The following FAM184A variants were observed in gnomAD, a reference collection of about 807,000 sequenced individuals.
FAM184A encodes the protein protein FAM184A.
In FAM184A, 99 loss-of-function variants were observed where a neutral mutation model predicts 143.8. The ratio of observed to expected loss-of-function variants is 0.69; its 90% CI spans 0.58 to 0.81. The LOEUF is 0.81. Ranked by LOEUF, FAM184A falls within the 40% of genes least tolerant of loss-of-function variation. The pLI, the probability that FAM184A is intolerant of heterozygous loss-of-function variation, is 0.00. For synonymous variants in FAM184A, 427 were observed against 446.4 expected, an observed-to-expected ratio of 0.96 and a Z score of 0.55; for missense variants, 1,217 against 1,310.5, an observed-to-expected ratio of 0.93 and a Z score of 1.10.
chr6:119,133,981 G>A (rs1295459), intron 1 of FAM184A, among the ~76,000 whole-genome samples: 10 of 151,596 alleles, frequency 6.6e-5, no homozygotes, highest in African/African-American at 1.9e-4. Flanking sequence ...CATGCACAGC[G>A]AGTAAGCATT....
chr6:119,146,796 A>G (rs955598696), intron 1 of FAM184A, among the ~76,000 whole-genome samples: 2 of 152,074 alleles, frequency 1.3e-5, no homozygotes, highest in Non-Finnish European at 2.9e-5. Context: ...AGTTAAAATC[A>G]CTAGCAGGAA....
At chr6:119,073,171 G>A (rs1787755099) in intron 1 of FAM184A, among the ~76,000 whole-genome samples, 1 of 152,178 alleles carries the variant, frequency 6.6e-6, no homozygotes, top group African/African-American at 2.4e-5. Flanking sequence ...GCACAGCAAG[G>A]AAAGCCCAAC....
chr6:119,135,365 C>G (rs1457788858), intron 1 of FAM184A, among the ~76,000 whole-genome samples: 1 of 152,094 alleles, frequency 6.6e-6, no homozygotes, highest in African/African-American at 2.4e-5. Flanking sequence ...GAGGAACACA[C>G]AAAAGGCTCT....
In FAM184A at chr6:119,022,756, A is replaced by C. The variant is rs565522420; in HGVS notation, c.1150+189T>G. 6.5e-4 allele frequency among the ~76,000 whole-genome samples: 99 copies of C among 152,250 alleles called. 1 individual carries two copies. Among genetic ancestry groups the C allele is most frequent in the African/African-American group, 2.4e-3 (99 of 41,538 alleles). On this transcript the variant is annotated intron_variant, in intron 3 of 17. Transcript: ENST00000338891. ...GCCAAGCATGGTGGCGGGCACCTGT[A>C]GTCCCAGCTACTCAGGAAGCTGAGG...
chr6:119,071,370 T>C (rs911371895), intron 1 of FAM184A, among the ~76,000 whole-genome samples: 5 of 152,234 alleles, frequency 3.3e-5, no homozygotes, highest in African/African-American at 4.8e-5. Context: ...ACACCAAGTA[T>C]GGCAGTCTCT....
Position 118,979,401 on chromosome 6 carries a change from G to T in FAM184A, c.2419C>A (p.Arg807=). ...TTTCCTTCATCTTCTAATTCAAACC[G>T]AAGAGTCTGAAGTTCCTGTTCCATT... ...IEMEQELQTL[R]FELEDEGKAM... The change falls in exon 11 of 18, where the codon CGG becomes AGG. Residue 807 remains arginine, a synonymous_variant. Coordinates refer to ENST00000338891, the MANE Select transcript of FAM184A (RefSeq NM_024581.6). The T allele has an allele frequency of 6.2e-7, 1 of 1,612,986 alleles. No homozygotes were observed. The highest frequency in any genetic ancestry group is 8.5e-7 in the Non-Finnish European group (1 of 1,179,636).
At chr6:119,038,265 GAC>G (rs1786185804) in intron 1 of FAM184A, among the ~76,000 whole-genome samples, 4 of 152,286 alleles carry the variant, frequency 2.6e-5, no homozygotes, top group Middle Eastern at 3.4e-3. Flanking sequence ...GGGGATGCTG[GAC>G]ACAGAGTGTC....
chr6:118,976,077 A>G (rs1296197971), intron 11 of FAM184A, 33 bp from the exon 12 acceptor site: 2 of 1,596,932 alleles, frequency 1.3e-6, no homozygotes, highest in South Asian at 2.3e-5. Context: ...CATTTGGCAC[A>G]TTTAAAAAAT....
At chr6:119,042,047 C>T (rs2114729122) in intron 1 of FAM184A, among the ~76,000 whole-genome samples, 1 of 152,224 alleles carries the variant, frequency 6.6e-6, no homozygotes, top group East Asian at 1.9e-4. Context: ...GTAACAGGAC[C>T]AAGGGTACCC....
At chr6:119,018,923 A>T (rs1462421229) in intron 4 of FAM184A, among the ~76,000 whole-genome samples, 1 of 152,134 alleles carries the variant, frequency 6.6e-6, no homozygotes, top group Non-Finnish European at 1.5e-5. Context: ...TGAAATAAGG[A>T]GTAAAAGAAA....
intron 1 of FAM184A, among the ~76,000 whole-genome samples, chr6:119,030,122 A>G (rs1785813436): frequency 6.6e-6 from 1 of 152,202 alleles, no homozygotes; most frequent in Non-Finnish European, 1.5e-5. Context: ...TATTTTATAA[A>G]AGAATATATA....
Position 119,063,971 on chromosome 6 carries a change from T to G in FAM184A, c.159+14170A>C, listed in dbSNP as rs190182636. Among the ~76,000 whole-genome samples, 15 of 152,266 alleles carry G rather than the reference T, an allele frequency of 9.9e-5. No individual in the cohort carries two copies. The East Asian group carries it at 2.7e-3, about 27-fold the overall frequency. ...CCAAAATATCAGACTTATAGTTCTTTGGGATTCTAAATTCTAATAATTTTC... is the reference window on the plus strand; with the variant it reads ...CCAAAATATCAGACTTATAGTTCTTGGGGATTCTAAATTCTAATAATTTTC... On this transcript the variant is annotated intron_variant, in intron 1 of 17. Coordinates refer to ENST00000338891, the MANE Select transcript of FAM184A (RefSeq NM_024581.6).
chr6:119,094,892 G>A (rs1347479670), intron 1 of FAM184A, among the ~76,000 whole-genome samples: 1 of 152,186 alleles, frequency 6.6e-6, no homozygotes. Flanking sequence ...AAAGAGGGGA[G>A]GCTGAACAAT....
rs759372506 is a variant in FAM184A at position 118,979,446 on chromosome 6, T to C, written c.2374A>G (p.Met792Val). 3.1e-6 allele frequency: 5 copies of C among 1,613,816 alleles called. No individual in the cohort carries two copies. Among genetic ancestry groups the C allele is most frequent in the South Asian group, 1.1e-5 (1 of 91,072 alleles). ...TCCATTTCTATCCGGAAGCCCTCCA[T>C]TGACTCTCTGTGTGCATCTTTTAGT... ...QSLKDAHRESMEGFRIEMEQE... is the reference protein window; with the variant it reads ...QSLKDAHRESVEGFRIEMEQE... Residue 792 changes from methionine to valine, a missense_variant, in exon 11 of 18, where the codon ATG becomes GTG. Physicochemically the swap from Met to Val is conservative, Grantham distance 21. Transcript: ENST00000338891.
intron 1 of FAM184A, among the ~76,000 whole-genome samples, chr6:119,029,101 A>T (rs1211230039): frequency 6.6e-6 from 1 of 152,208 alleles, no homozygotes; most frequent in African/African-American, 2.4e-5. Flanking sequence ...GAGTGCCTAG[A>T]GCAACACTGG....
At chr6:119,091,405 T>A (rs1363877373) in intron 1 of FAM184A, among the ~76,000 whole-genome samples, 5 of 152,170 alleles carry the variant, frequency 3.3e-5, no homozygotes, top group Admixed American at 2.6e-4. Context: ...CAAATCCTAA[T>A]CATGCAGAGT....
chr6:119,058,054 G>A (rs1056331097), intron 1 of FAM184A: 2 of 150,340 alleles, frequency 1.3e-5, no homozygotes, highest in African/African-American at 4.9e-5. Context: ...TTCCCTGAAA[G>A]TGTACATTGT....
At chr6:119,130,617 G>C (rs1490334572) in intron 1 of FAM184A, among the ~76,000 whole-genome samples, 2 of 152,164 alleles carry the variant, frequency 1.3e-5, no homozygotes, top group Non-Finnish European at 2.9e-5. Flanking sequence ...TCTAGTTTAA[G>C]AAACACAGAA....
intron 4 of FAM184A, 150 bp downstream of exon 4, chr6:119,019,828 C>A: frequency 1.7e-6 from 1 of 599,690 alleles, no homozygotes; most frequent in Non-Finnish European, 2.8e-6. Flanking sequence ...GCTATATACC[C>A]ATTTCCTCAA....
Sources: allele counts gnomAD v4.1 joint callset (sites outside exome capture counted in the v4.1 genomes callset), GRCh38; gene constraint gnomAD v4.1.1; transcripts MANE v1.5; gene names NCBI Gene and HGNC (gene_info 2026-07-23, HGNC 2026-07-21).